The following NIBAN1 variants were observed in gnomAD, a reference collection of about 807,000 sequenced individuals.
The protein encoded by NIBAN1 is niban apoptosis regulator 1, also known as protein Niban 1.
Under a neutral mutation model 75.1 loss-of-function variants are expected in NIBAN1, and 81 were observed. The ratio of observed to expected loss-of-function variants is 1.08; its 90% CI spans 0.90 to 1.30. The LOEUF (loss-of-function observed/expected upper bound fraction) is 1.30, where lower values mean the gene tolerates loss of function less well. NIBAN1 is among the 50% of genes most tolerant of loss of function. The pLI is 0.00. For synonymous variants in NIBAN1, 436 were observed against 424.8 expected, an observed-to-expected ratio of 1.03 and a Z score of -0.32; for missense variants, 1,133 against 1,128.1, an observed-to-expected ratio of 1.00 and a Z score of -0.06.
chr1:184,914,259 A>C (rs564758526), intron 1 of NIBAN1, among the ~76,000 whole-genome samples: 68 of 152,358 alleles, frequency 4.5e-4, no homozygotes, highest in African/African-American at 1.5e-3. Context: ...AACATTTTGC[A>C]GATGTGGAAG....
At chr1:184,798,225 A>T (rs1653931321) in intron 12 of NIBAN1, 35 bp from the exon 13 acceptor site, 3 of 1,387,932 alleles carry the variant, frequency 2.2e-6, no homozygotes, top group Non-Finnish European at 2.0e-6. Flanking sequence ...AAAGATGAAA[A>T]GGCATGAGAT....
intron 1 of NIBAN1, among the ~76,000 whole-genome samples, chr1:184,909,999 G>A (rs1459076380): frequency 6.6e-6 from 1 of 152,150 alleles, no homozygotes; most frequent in African/African-American, 2.4e-5. Context: ...AAATCCAATA[G>A]TATTGACTAT....
intron 5 of NIBAN1, among the ~76,000 whole-genome samples, chr1:184,835,265 G>GTCA (rs1331822571): frequency 6.6e-6 from 1 of 152,226 alleles, no homozygotes; most frequent in Non-Finnish European, 1.5e-5. Context: ...ATAGTTTGAA[G>GTCA]TCAGGTAGCG....
intron 1 of NIBAN1, among the ~76,000 whole-genome samples, chr1:184,961,700 A>C (rs1488577990): frequency 1.3e-5 from 2 of 152,236 alleles, no homozygotes; most frequent in Non-Finnish European, 2.9e-5. Context: ...TAACCAAATC[A>C]TGATAATTCC....
intron 1 of NIBAN1, among the ~76,000 whole-genome samples, chr1:184,941,510 C>G (rs1658085989): frequency 6.6e-6 from 1 of 152,006 alleles, no homozygotes; most frequent in Non-Finnish European, 1.5e-5. Context: ...ACTAGCCAGG[C>G]ATGGTGGCAC....
At chr1:184,836,662 G>C (rs1279595997) in intron 5 of NIBAN1, among the ~76,000 whole-genome samples, 1 of 152,172 alleles carries the variant, frequency 6.6e-6, no homozygotes, top group Non-Finnish European at 1.5e-5. Flanking sequence ...TAATACAGAA[G>C]AGAAGAAAAG....
intron 1 of NIBAN1, among the ~76,000 whole-genome samples, chr1:184,973,056 C>T (rs1658978420): frequency 6.6e-6 from 1 of 152,224 alleles, no homozygotes; most frequent in Non-Finnish European, 1.5e-5. Context: ...AAGACTAAGG[C>T]AGGCTTCATT....
At position 184,795,394 on chromosome 1, in the gene NIBAN1, C is replaced by T; in HGVS notation, c.2370G>A (p.Glu790=). The T allele has an allele frequency of 2.5e-6, 4 of 1,606,000 alleles. No homozygotes were observed. The highest frequency in any genetic ancestry group is 3.4e-6 in the Non-Finnish European group (4 of 1,176,478). Reference sequence around the variant, plus strand: ...CTGGCGGAGAGGCTGGGCTGCCTACCTCTGGAAATCCCCCCAACTCCTCCC... The same window carrying T: ...CTGGCGGAGAGGCTGGGCTGCCTACTTCTGGAAATCCCCCCAACTCCTCCC... ...AHGEELGGFP[E]VGSPASPPAS... Residue 790 remains glutamate (E), a synonymous_variant, in exon 14 of 14, where the codon GAG becomes GAA. Coordinates refer to ENST00000367511, the MANE Select transcript of NIBAN1 (RefSeq NM_052966.4).
intron 1 of NIBAN1, among the ~76,000 whole-genome samples, chr1:184,950,600 C>G (rs1658336290): frequency 6.6e-6 from 1 of 152,156 alleles, no homozygotes; most frequent in African/African-American, 2.4e-5. Context: ...CATGATTATA[C>G]TTCTGCTTGT....
intron 1 of NIBAN1, among the ~76,000 whole-genome samples, chr1:184,904,142 C>T (rs191314001): frequency 5.3e-4 from 81 of 152,132 alleles, no homozygotes; most frequent in African/African-American, 1.9e-3. Flanking sequence ...GTGATCCACC[C>T]GCCTCGGCCT....
At chr1:184,944,922 C>G (rs1658183582) in intron 1 of NIBAN1, among the ~76,000 whole-genome samples, 2 of 152,130 alleles carry the variant, frequency 1.3e-5, no homozygotes, top group African/African-American at 4.8e-5. Context: ...ATACCCCTCA[C>G]CTGTGTGAAA....
chr1:184,869,311 C>G (rs143480554), intron 5 of NIBAN1, among the ~76,000 whole-genome samples: 1 of 151,960 alleles, frequency 6.6e-6, no homozygotes, highest in East Asian at 1.9e-4. Context: ...TGAGCTCTTA[C>G]GTAAAATTAG....
At chr1:184,819,810 A>G (rs897709576) in intron 8 of NIBAN1, among the ~76,000 whole-genome samples, 2 of 152,194 alleles carry the variant, frequency 1.3e-5, no homozygotes, top group Non-Finnish European at 2.9e-5. Flanking sequence ...GAGATGTTTG[A>G]TGACTGGACA....
Position 184,946,795 on chromosome 1 carries a change from G to T in NIBAN1, c.55+27507C>A, listed in dbSNP as rs375081895. On this transcript the variant is annotated intron_variant, in intron 1 of 13. Transcript: ENST00000367511. ...ACAGGAAGAAAAAGCTGCCTTAAAAGGAGTACATGGTTCAAAACAAAGAAA... is the reference window on the plus strand; with the variant it reads ...ACAGGAAGAAAAAGCTGCCTTAAAATGAGTACATGGTTCAAAACAAAGAAA... 5.3e-5 allele frequency among the ~76,000 whole-genome samples: 8 copies of T among 152,290 alleles called. No homozygotes were observed. The East Asian group carries it at 9.6e-4, about 18-fold the overall frequency.
rs1191809298 is a variant in NIBAN1, at chr1:184,845,674, G to A, written c.602-13712C>T. Reference sequence around the variant, plus strand: ...GTCTACAGATCCCAGCGTAAGCGACGCAGAAGACGGGTGATTTCTGCATTT... The same window carrying A: ...GTCTACAGATCCCAGCGTAAGCGACACAGAAGACGGGTGATTTCTGCATTT... On this transcript the variant is annotated intron_variant, in intron 5 of 13. Transcript: ENST00000367511. Among the ~76,000 whole-genome samples, 10 of 31,494 alleles carry A rather than the reference G, an allele frequency of 3.2e-4. 2 individuals carry two copies. In the South Asian group the frequency reaches 4.3e-3, roughly 14 times the overall value. 20.7% of individuals were successfully genotyped at this position (31,494 alleles called of 152,430 possible).
intron 6 of NIBAN1, among the ~76,000 whole-genome samples, chr1:184,825,649 ATCTGAGCAG>A (rs1654822657): frequency 6.6e-6 from 1 of 152,220 alleles, no homozygotes; most frequent in African/African-American, 2.4e-5. Context: ...TTTCTTGTGA[ATCTGAGCAG>A]TATTCTACAC....
intron 9 of NIBAN1, among the ~76,000 whole-genome samples, chr1:184,812,420 G>A (rs1654407909): frequency 6.6e-6 from 1 of 152,194 alleles, no homozygotes; most frequent in Non-Finnish European, 1.5e-5. Context: ...AGCAAGCTGG[G>A]TCACTAGAGC....
At chr1:184,797,431 T>G (rs1047381002) in intron 13 of NIBAN1, among the ~76,000 whole-genome samples, 1 of 152,074 alleles carries the variant, frequency 6.6e-6, no homozygotes, top group Non-Finnish European at 1.5e-5. Flanking sequence ...TGTGACCCAC[T>G]GTGCCCAGCC....
intron 1 of NIBAN1, among the ~76,000 whole-genome samples, chr1:184,929,394 A>G (rs1317003859): frequency 6.6e-6 from 1 of 152,220 alleles, no homozygotes; most frequent in Non-Finnish European, 1.5e-5. Flanking sequence ...ATCTAAAAAA[A>G]TTGCTTTTAT....
Sources: allele counts gnomAD v4.1 joint callset (sites outside exome capture counted in the v4.1 genomes callset), GRCh38; gene constraint gnomAD v4.1.1; transcripts MANE v1.5; gene names NCBI Gene and HGNC (gene_info 2026-07-23, HGNC 2026-07-21).